Variants in SCFD2 observed in about 807,000 individuals in gnomAD.
The protein encoded by SCFD2 is sec1 family domain containing 2.
Under a neutral mutation model 58.9 loss-of-function variants are expected in SCFD2, and 54 were observed. That is an observed-to-expected ratio of 0.92 (90% CI 0.74 to 1.15). SCFD2 has a LOEUF of 1.15. SCFD2 is among the 50% of genes most tolerant of loss of function. SCFD2 has a pLI of 0.00. For synonymous variants in SCFD2, 321 were observed against 335.9 expected, an observed-to-expected ratio of 0.96 and a Z score of 0.49; for missense variants, 805 against 836.6, an observed-to-expected ratio of 0.96 and a Z score of 0.47.
chr4:53,147,128 G>A (rs937449694), intron 4 of SCFD2, among the ~76,000 whole-genome samples: 3 of 152,182 alleles, frequency 2.0e-5, no homozygotes, highest in Non-Finnish European at 4.4e-5. Flanking sequence ...ACTCTAGCCT[G>A]CACAACAGAG....
At chr4:53,303,502 TG>T (rs1732404169) in intron 3 of SCFD2, among the ~76,000 whole-genome samples, 1 of 152,172 alleles carries the variant, frequency 6.6e-6, no homozygotes, top group Non-Finnish European at 1.5e-5. Context: ...ACACTGTTGG[TG>T]GGACTGTAAA....
intron 4 of SCFD2, among the ~76,000 whole-genome samples, chr4:53,203,028 T>C (rs1473100183): frequency 2.6e-5 from 4 of 152,218 alleles, no homozygotes; most frequent in African/African-American, 9.6e-5. Flanking sequence ...TTCCTTCTCC[T>C]GCCTGATTGC....
chr4:53,328,749 G>A (rs905515073), intron 2 of SCFD2, among the ~76,000 whole-genome samples: 3 of 152,200 alleles, frequency 2.0e-5, no homozygotes, highest in African/African-American at 7.2e-5. Context: ...GAGCCAAGAT[G>A]GCCGAATAGG....
chr4:53,180,001 C>T (rs1022613232), intron 4 of SCFD2, among the ~76,000 whole-genome samples: 3 of 152,166 alleles, frequency 2.0e-5, no homozygotes, highest in East Asian at 1.9e-4. Context: ...ATTCATAAAG[C>T]GAGTCCTTAG....
intron 4 of SCFD2, among the ~76,000 whole-genome samples, chr4:53,222,862 G>A (rs1442413184): frequency 6.6e-6 from 1 of 152,124 alleles, no homozygotes; most frequent in Non-Finnish European, 1.5e-5. Flanking sequence ...TCAGCTTTAT[G>A]CATTTAATTT....
chr4:53,358,946 T>C (rs1244953727), intron 1 of SCFD2, among the ~76,000 whole-genome samples: 2 of 152,206 alleles, frequency 1.3e-5, no homozygotes, highest in Non-Finnish European at 2.9e-5. Flanking sequence ...CAATTACAAC[T>C]TTTTATATTT....
chr4:53,175,553 A>G (rs1191498736), intron 4 of SCFD2, among the ~76,000 whole-genome samples: 4 of 152,242 alleles, frequency 2.6e-5, no homozygotes, highest in Non-Finnish European at 5.9e-5. Flanking sequence ...TTGAAATATT[A>G]CCATGAATCA....
chr4:53,332,173 G>A (rs1263366352), intron 2 of SCFD2, among the ~76,000 whole-genome samples: 1 of 150,634 alleles, frequency 6.6e-6, no homozygotes, highest in African/African-American at 2.4e-5. Context: ...GAGGTACAAG[G>A]AGGAACTGGT....
intron 5 of SCFD2, among the ~76,000 whole-genome samples, chr4:52,997,661 G>A (rs777965752): frequency 6.6e-6 from 1 of 152,194 alleles, no homozygotes; most frequent in Admixed American, 6.5e-5. Context: ...GGGAAAACAG[G>A]TTCCTTCACC....
intron 5 of SCFD2, among the ~76,000 whole-genome samples, chr4:53,033,900 A>C (rs1722687535): frequency 6.6e-6 from 1 of 152,218 alleles, no homozygotes; most frequent in Non-Finnish European, 1.5e-5. Context: ...AGGAGCTGGT[A>C]CCATTCTTTC....
At chr4:53,088,583 T>A (rs955812074) in intron 5 of SCFD2, among the ~76,000 whole-genome samples, 10 of 152,230 alleles carry the variant, frequency 6.6e-5, no homozygotes, top group Admixed American at 5.9e-4. Context: ...ATATGTCTAT[T>A]CTATCCCTGT....
intron 5 of SCFD2, among the ~76,000 whole-genome samples, chr4:53,139,122 C>G (rs533079029): frequency 6.6e-6 from 1 of 152,198 alleles, no homozygotes; most frequent in Non-Finnish European, 1.5e-5. Flanking sequence ...CTGCCAGCCT[C>G]GGCCTCCCGA....
intron 4 of SCFD2, among the ~76,000 whole-genome samples, chr4:53,217,854 T>C (rs1252959488): frequency 6.6e-6 from 1 of 152,236 alleles, no homozygotes; most frequent in Non-Finnish European, 1.5e-5. Flanking sequence ...ACAAAATCTC[T>C]CAGCATTTGC....
chr4:52,929,290 T>C (rs1560483978), intron 5 of SCFD2, among the ~76,000 whole-genome samples: 1 of 152,190 alleles, frequency 6.6e-6, no homozygotes, highest in Non-Finnish European at 1.5e-5. Context: ...ATTATATAAG[T>C]ATGTTTAATA....
chr4:52,926,263 C>T (rs1191692911), intron 5 of SCFD2, among the ~76,000 whole-genome samples: 4 of 151,946 alleles, frequency 2.6e-5, no homozygotes, highest in African/African-American at 9.7e-5. Context: ...ACCTGGTTTC[C>T]ATAAGTTTGG....
At chr4:53,241,038 G>A (rs761809780) in intron 4 of SCFD2, among the ~76,000 whole-genome samples, 7 of 152,194 alleles carry the variant, frequency 4.6e-5, no homozygotes, top group Non-Finnish European at 1.0e-4. Context: ...AGGAAGCTGG[G>A]AATGCTGTAC....
chr4:53,069,289 T>C (rs961421104), intron 5 of SCFD2, among the ~76,000 whole-genome samples: 1 of 151,964 alleles, frequency 6.6e-6, no homozygotes, highest in Non-Finnish European at 1.5e-5. Context: ...CACACACACA[T>C]CCTCATTATG....
chr4:52,979,359 T>C (rs1193583614), intron 5 of SCFD2, among the ~76,000 whole-genome samples: 1 of 152,148 alleles, frequency 6.6e-6, no homozygotes, highest in African/African-American at 2.4e-5. Flanking sequence ...TTTTCTTCTG[T>C]GTCATTAAAA....
chr4:53,229,314 T>C (rs1254804856), intron 4 of SCFD2, among the ~76,000 whole-genome samples: 7 of 152,142 alleles, frequency 4.6e-5, no homozygotes, highest in African/African-American at 1.4e-4. Flanking sequence ...CATTGCCAAG[T>C]CAATCCTAAG....
Sources: allele counts gnomAD v4.1 joint callset (sites outside exome capture counted in the v4.1 genomes callset), GRCh38; gene constraint gnomAD v4.1.1; transcripts MANE v1.5; gene names NCBI Gene and HGNC (gene_info 2026-07-23, HGNC 2026-07-21).